GLIS1: variants seen among roughly 807,000 people sequenced by gnomAD.
The protein encoded by GLIS1 is zinc finger protein GLIS1.
GLIS1 carries 24 observed loss-of-function variants against 63.8 expected under a neutral mutation model. The ratio of observed to expected loss-of-function variants is 0.38; its 90% CI spans 0.27 to 0.53. GLIS1 has a LOEUF of 0.53. Ranked by LOEUF, GLIS1 falls within the 20% of genes least tolerant of loss-of-function variation. The pLI, the probability that GLIS1 is intolerant of heterozygous loss-of-function variation, is 0.85. For missense variants in GLIS1, 1,036 were observed against 1,074.1 expected (o/e 0.96, Z 0.50); for synonymous variants, 450 against 482.5 (o/e 0.93, Z 0.88).
At chr1:53,631,698 T>G (rs565315740) in intron 2 of GLIS1, among the ~76,000 whole-genome samples, 101 of 152,008 alleles carry the variant, frequency 6.6e-4, no homozygotes, top group Non-Finnish European at 1.2e-3. Context: ...GAAGGAAGGA[T>G]GCACTTTTAT....
At chr1:53,634,653 CTA>C (rs1645703971) in intron 2 of GLIS1, among the ~76,000 whole-genome samples, 2 of 152,200 alleles carry the variant, frequency 1.3e-5, no homozygotes, top group Admixed American at 6.5e-5. Context: ...CTGGACTCTT[CTA>C]GCACCTGTGA....
At chr1:53,600,656 A>C (rs1411758589) in intron 2 of GLIS1, among the ~76,000 whole-genome samples, 1 of 152,172 alleles carries the variant, frequency 6.6e-6, no homozygotes, top group Non-Finnish European at 1.5e-5. Flanking sequence ...GGTGCTCATG[A>C]GGCAAGGTGT....
In GLIS1 at chr1:53,506,765, G is replaced by A; in HGVS notation, c.2242C>T (p.Leu748=). ...TPLPATGYEA[L]AEASCPTALP... is the part of the protein sequence containing the mutation. ...GCTGTGGGGCATGAGGCCTCAGCCAGGGCCTCATAGCCTGTGAGTGGTTGG... is the reference window on the plus strand; with the variant it reads ...GCTGTGGGGCATGAGGCCTCAGCCAAGGCCTCATAGCCTGTGAGTGGTTGG... Residue 748 remains leucine (L), a synonymous_variant, in exon 11 of 11, where the codon CTG becomes TTG. Transcript: ENST00000628545. 1 of 1,610,424 alleles carries A rather than the reference G, an allele frequency of 6.2e-7. No individual in the cohort carries two copies. Among genetic ancestry groups the A allele is most frequent in the Non-Finnish European group, 8.5e-7 (1 of 1,179,818 alleles).
chr1:53,598,670 T>G lies in GLIS1; in HGVS notation c.437+1431A>C, dbSNP rs1645285985. On this transcript the variant is annotated intron_variant, in intron 3 of 10. Transcript: ENST00000628545. The surrounding 1 kb of genome is among the most constrained non-coding windows in gnomAD (Gnocchi z 4.6). ...CCTGCTGGCACATCAGTCCTGCACT[T>G]CTAGCCTCCAGAATGGTGAGAAAGC... Among the ~76,000 whole-genome samples the G allele has an allele frequency of 6.6e-6, 1 of 152,172 alleles. No individual in the cohort carries two copies. Among genetic ancestry groups the G allele is most frequent in the African/African-American group, 2.4e-5 (1 of 41,434 alleles).
intron 4 of GLIS1, among the ~76,000 whole-genome samples, chr1:53,554,985 C>T (rs903177094): frequency 7.9e-5 from 12 of 152,264 alleles, no homozygotes; most frequent in African/African-American, 2.2e-4. Context: ...ACTGGCAGGT[C>T]CCTGGAAACC....
intron 4 of GLIS1, among the ~76,000 whole-genome samples, chr1:53,552,284 A>C (rs1243899813): frequency 6.6e-6 from 1 of 151,728 alleles, no homozygotes; most frequent in African/African-American, 2.4e-5. Flanking sequence ...TAGGAGGGGG[A>C]CCAGGCGGGT....
chr1:53,512,747 G>T (rs976888589), intron 8 of GLIS1, among the ~76,000 whole-genome samples: 5 of 152,190 alleles, frequency 3.3e-5, no homozygotes, highest in Non-Finnish European at 7.3e-5. Context: ...TTCTTGACGG[G>T]CACTTATGCA....
chr1:53,584,222 G>A (rs553470675), intron 4 of GLIS1, among the ~76,000 whole-genome samples: 1 of 152,202 alleles, frequency 6.6e-6, no homozygotes, highest in African/African-American at 2.4e-5. Flanking sequence ...CCACTCCCTC[G>A]GGGCACAGTC....
intron 4 of GLIS1, among the ~76,000 whole-genome samples, chr1:53,532,916 A>T (rs1644545826): frequency 6.6e-6 from 1 of 152,216 alleles, no homozygotes; most frequent in Admixed American, 6.5e-5. Flanking sequence ...CTCTCTGACC[A>T]TCTAATTCAT....
rs964781429 is a variant in GLIS1 at position 53,539,841 on chromosome 1, C to T, written c.1321-9889G>A. On this transcript the variant is annotated intron_variant, in intron 4 of 10. Transcript: ENST00000628545. This position sits in a 1 kb window ranked among gnomAD's most constrained non-coding sequence, Gnocchi z 5.0. ...CTCCTGACCTCTGAGTGGTGGCTGG[C>T]CTGGCCTGGCCTTGGGGACAGCATG... 2.6e-5 allele frequency among the ~76,000 whole-genome samples: 4 copies of T among 152,284 alleles called. No individual in the cohort carries two copies. The highest frequency in any genetic ancestry group is 3.4e-3 in the Middle Eastern group (1 of 294).
intron 4 of GLIS1, among the ~76,000 whole-genome samples, chr1:53,562,599 C>A (rs1467090997): frequency 6.6e-6 from 1 of 152,172 alleles, no homozygotes; most frequent in Non-Finnish European, 1.5e-5. Flanking sequence ...CACTCCACAT[C>A]GCACCACACT....
intron 2 of GLIS1, among the ~76,000 whole-genome samples, chr1:53,675,992 A>G (rs530304506): frequency 6.6e-6 from 1 of 152,040 alleles, no homozygotes; most frequent in South Asian, 2.1e-4. Context: ...CAGGAGGGGG[A>G]AAAAAGGCAC....
intron 2 of GLIS1, among the ~76,000 whole-genome samples, chr1:53,605,536 G>GC (rs1422200330): frequency 3.3e-5 from 5 of 152,086 alleles, no homozygotes; most frequent in African/African-American, 4.8e-5. Flanking sequence ...CCTTCCCATG[G>GC]TTTTTCTCTA....
intron 2 of GLIS1, chr1:53,734,061 CTTTTTTT>C: frequency 1.2e-6 from 1 of 861,760 alleles, no homozygotes; most frequent in Non-Finnish European, 1.4e-6. Flanking sequence ...TCTACAATTC[CTTTTTTT>C]TTTTTTTCAA....
chr1:53,509,938 G>T lies in GLIS1; in HGVS notation c.1973C>A (p.Pro658Gln), dbSNP rs775138634. Residue 658 changes from proline to glutamine, a missense_variant, in exon 9 of 11, where the codon CCG (proline) becomes CAG (glutamine). Pro to Gln is a moderately conservative substitution (Grantham distance 76). Around this residue, in one of 3 missense-constraint regions of GLIS1, gnomAD observed 400 missense variants for 400.9 expected, o/e 1.00. Coordinates refer to ENST00000628545, the MANE Select transcript of GLIS1 (RefSeq NM_001367484.1). ...PLPPSSQSHS[P>Q]GGQPFPTLPS... ...GAGTGTGGGGAAGGGCTGGCCCCCCGGAGAATGGCTCTGAGAGGATGGGGG... is the reference window on the plus strand; with the variant it reads ...GAGTGTGGGGAAGGGCTGGCCCCCCTGAGAATGGCTCTGAGAGGATGGGGG... The T allele has an allele frequency of 3.1e-6, 4 of 1,304,216 alleles. No homozygotes were observed. The highest frequency in any genetic ancestry group is 3.9e-6 in the Non-Finnish European group (4 of 1,017,750). The allele number at this position is 1,304,216 out of a possible 1,614,324, so 80.8% of individuals were successfully genotyped here.
chr1:53,723,514 G>A (rs2100555464), intron 2 of GLIS1, among the ~76,000 whole-genome samples: 1 of 152,206 alleles, frequency 6.6e-6, no homozygotes, highest in Middle Eastern at 3.4e-3. Flanking sequence ...GATTACAGGG[G>A]TGAGCCACCG....
chr1:53,725,302 T>C (rs1646794606), intron 2 of GLIS1, among the ~76,000 whole-genome samples: 1 of 152,198 alleles, frequency 6.6e-6, no homozygotes. Context: ...AGGGCTGGTC[T>C]GCAAACTCAA....
intron 4 of GLIS1, among the ~76,000 whole-genome samples, chr1:53,585,552 G>A (rs1330169545): frequency 1.3e-5 from 2 of 151,430 alleles, no homozygotes; most frequent in Non-Finnish European, 2.9e-5. Context: ...GGTGAAACAG[G>A]GCAGGGTGGG....
At chr1:53,610,079 A>G (rs372804522) in intron 2 of GLIS1, among the ~76,000 whole-genome samples, 3 of 152,244 alleles carry the variant, frequency 2.0e-5, no homozygotes, top group African/African-American at 7.2e-5. Context: ...TACTTTCTAC[A>G]CAAGGCAAGA....
Sources: allele counts gnomAD v4.1 joint callset (sites outside exome capture counted in the v4.1 genomes callset), GRCh38; gene constraint gnomAD v4.1.1; regional missense constraint gnomAD v4.1.1; non-coding constraint Gnocchi (gnomAD v3.1); transcripts MANE v1.5; gene names NCBI Gene and HGNC (gene_info 2026-07-23, HGNC 2026-07-21).